The following ZNF331 variants were observed in gnomAD, a reference collection of about 807,000 sequenced individuals.
ZNF331 encodes the protein zinc finger protein 331.
A neutral mutation model predicts 7.0 loss-of-function variants in ZNF331; 2 were observed. The ratio of observed to expected loss-of-function variants is 0.29; its 90% CI spans 0.12 to 0.90. The LOEUF is 0.90. ZNF331 is among the 40% of genes least tolerant of loss of function. The pLI is 0.58. For missense variants in ZNF331, 432 were observed against 587.7 expected, an observed-to-expected ratio of 0.74 and a Z score of 2.74; for synonymous variants, 196 against 205.4, an observed-to-expected ratio of 0.95 and a Z score of 0.39.
chr19:53,554,430 C>CG (rs1158032439), intron 2 of ZNF331: 1 of 152,288 alleles, frequency 6.6e-6, no homozygotes, highest in Non-Finnish European at 1.5e-5. Flanking sequence ...ACATGCGTGT[C>CG]GGGCTCTGCT....
intron 2 of ZNF331, among the ~76,000 whole-genome samples, chr19:53,525,298 G>C (rs1250656684): frequency 6.6e-6 from 1 of 152,112 alleles, no homozygotes; most frequent in Non-Finnish European, 1.5e-5. Flanking sequence ...CCAATTCTGT[G>C]AAGAAAGTCA....
chr19:53,510,625 C>T, the ZNF331 span, among the ~76,000 whole-genome samples: 1 of 152,176 alleles, frequency 6.6e-6, no homozygotes, highest in East Asian at 1.9e-4. Flanking sequence ...ACCCTCATTT[C>T]GTTCTTTTTC....
At chr19:53,518,281 AC>A (rs201054038), upstream of ZNF331, among the ~76,000 whole-genome samples, 1,852 of 152,050 alleles carry the variant, frequency 0.012, 16 homozygotes, top group South Asian at 0.025. Context: ...TCTTAGACTT[AC>A]ACTGGTGGTT....
At chr19:53,547,870 G>A (rs1451812187) in intron 2 of ZNF331, among the ~76,000 whole-genome samples, 7 of 151,974 alleles carry the variant, frequency 4.6e-5, no homozygotes, top group Non-Finnish European at 8.8e-5. Context: ...TTATTATCAG[G>A]GTTGTTTGGT....
chr19:53,528,070 C>A (rs1438233931), intron 2 of ZNF331, among the ~76,000 whole-genome samples: 2 of 152,200 alleles, frequency 1.3e-5, no homozygotes, highest in East Asian at 3.8e-4. Flanking sequence ...TCCCATATCA[C>A]ATAGAACACA....
chr19:53,521,176 C>G (rs1377540350), exon 1 of ZNF331: 1 of 152,264 alleles, frequency 6.6e-6, no homozygotes, highest in Non-Finnish European at 1.5e-5. Flanking sequence ...GGTTAGGCCT[C>G]GAGCCGGGAG....
intron 2 of ZNF331, among the ~76,000 whole-genome samples, chr19:53,544,328 G>T (rs368830535): frequency 2.7e-5 from 4 of 150,610 alleles, no homozygotes; most frequent in South Asian, 4.2e-4. Context: ...GGCGGATCAC[G>T]AGGTCAGGAG....
At chr19:53,570,192 G>A (rs2090367510) in intron 4 of ZNF331, among the ~76,000 whole-genome samples, 1 of 150,590 alleles carries the variant, frequency 6.6e-6, no homozygotes, top group South Asian at 2.1e-4. Flanking sequence ...GGAGATGGAG[G>A]TTGCAGTGAG....
chr19:53,566,945 C>A (rs2090186922), intron 3 of ZNF331, among the ~76,000 whole-genome samples: 7 of 152,008 alleles, frequency 4.6e-5, no homozygotes, highest in Admixed American at 4.6e-4. Context: ...TCCTCTCCCT[C>A]TCTCTCCATA....
chr19:53,514,929 G>A (rs1429094569), upstream of ZNF331, among the ~76,000 whole-genome samples: 1 of 152,114 alleles, frequency 6.6e-6, no homozygotes, highest in Non-Finnish European at 1.5e-5. Flanking sequence ...GATTACAGGC[G>A]GGAGCCATGG....
chr19:53,577,993 TC>T lies in ZNF331; in HGVS notation c.*42del. On this transcript the variant is annotated 3_prime_UTR_variant, in exon 6 of 6. Coordinates refer to ENST00000449416, the MANE Select transcript of ZNF331 (RefSeq NM_001079906.2). Reference sequence around the variant, plus strand: ...CAGTAGCCCGCTCGTATCTATGGTTTCGCTTTCCACAGTTTGTTACCTGCAG... The same window carrying T: ...CAGTAGCCCGCTCGTATCTATGGTTTGCTTTCCACAGTTTGTTACCTGCAG... 1.3e-6 allele frequency: 2 copies of T among 1,556,300 alleles called. No individual in the cohort carries two copies. Among genetic ancestry groups the T allele is most frequent in the Non-Finnish European group, 8.7e-7 (1 of 1,149,988 alleles).
At chr19:53,541,182 G>A (rs11665879) in intron 2 of ZNF331, among the ~76,000 whole-genome samples, 114,507 of 150,222 alleles carry the variant, frequency 0.76, 44,016 homozygotes, top group Middle Eastern at 0.82. Flanking sequence ...ATCTCAGCTC[G>A]CCGTAACCTC....
At chr19:53,569,241 A>G in intron 3 of ZNF331, 63 bp from the exon 4 acceptor site, 1 of 841,384 alleles carries the variant, frequency 1.2e-6, no homozygotes, top group Non-Finnish European at 2.0e-6. Context: ...CCAAAAGGTC[A>G]TATTACATCA....
the ZNF331 span, among the ~76,000 whole-genome samples, chr19:53,514,207 GT>G: frequency 6.7e-6 from 1 of 149,718 alleles, no homozygotes; most frequent in Admixed American, 6.7e-5. Flanking sequence ...TTTTTTCTCT[GT>G]TTTTTTTTGA....
intron 3 of ZNF331, among the ~76,000 whole-genome samples, chr19:53,569,059 T>C (rs954199605): frequency 2.0e-5 from 3 of 152,030 alleles, no homozygotes; most frequent in Non-Finnish European, 4.4e-5. Flanking sequence ...GGTTTCACCG[T>C]GTTAGCCAAG....
intron 3 of ZNF331, among the ~76,000 whole-genome samples, chr19:53,564,589 A>AT (rs1409008616): frequency 6.6e-6 from 1 of 152,048 alleles, no homozygotes; most frequent in Admixed American, 6.6e-5. Context: ...ACTATACATA[A>AT]TTTTTTAAAT....
chr19:53,552,705 C>T (rs1180075873), intron 2 of ZNF331, among the ~76,000 whole-genome samples: 2 of 152,156 alleles, frequency 1.3e-5, no homozygotes, highest in Non-Finnish European at 2.9e-5. Context: ...TGCTCTCCAG[C>T]CTGGGTGACA....
chr19:53,540,133 C>T (rs182822260), intron 2 of ZNF331, among the ~76,000 whole-genome samples: 65 of 152,216 alleles, frequency 4.3e-4, no homozygotes, highest in African/African-American at 1.1e-3. Flanking sequence ...ATTTATTGAG[C>T]GCATTTTTGT....
intron 5 of ZNF331, among the ~76,000 whole-genome samples, chr19:53,575,119 T>G (rs1399679495): frequency 6.6e-6 from 1 of 151,792 alleles, no homozygotes; most frequent in African/African-American, 2.4e-5. Flanking sequence ...GTATTTTTTT[T>G]GTAGAGACAG....
Sources: gnomAD v4.1 joint callset for allele counts (sites outside exome capture counted in the v4.1 genomes callset) on GRCh38, gnomAD v4.1.1 for gene constraint, MANE v1.5 for transcripts, NCBI Gene and HGNC (gene_info 2026-07-23, HGNC 2026-07-21) for gene names.